Variants in IFFO2 observed in about 807,000 individuals in gnomAD.
The protein encoded by IFFO2 is intermediate filament family orphan 2.
Under a neutral mutation model 53.5 loss-of-function variants are expected in IFFO2, and 19 were observed. That is an observed-to-expected ratio of 0.36 (90% CI 0.25 to 0.52). IFFO2 has a LOEUF of 0.52. Ranked by LOEUF, IFFO2 falls within the 20% of genes least tolerant of loss-of-function variation. IFFO2 has a pLI of 0.94. For missense variants in IFFO2, 570 were observed against 727.4 expected (o/e 0.78, Z 2.49); for synonymous variants, 303 against 313.6 (o/e 0.97, Z 0.36).
chr1:18,912,042 G>C lies in IFFO2; in HGVS notation c.1145C>G (p.Thr382Arg). 1 of 1,551,720 alleles carries C rather than the reference G, an allele frequency of 6.4e-7. No individual in the cohort carries two copies. Among genetic ancestry groups the C allele is most frequent in the Non-Finnish European group, 8.7e-7 (1 of 1,146,968 alleles). Reference protein sequence around the residue: ...FDFDDDCDSLTWEENEDTLLL... With the variant: ...FDFDDDCDSLRWEENEDTLLL... ...CAGCGTGTCTTCATTCTCTTCCCAC[G>C]TCAGGCTGTCACAGTCGTCGTCAAA... The change falls in exon 6 of 9, where the codon ACG becomes AGG. Residue 382 changes from threonine to arginine, a missense_variant. Physicochemically the swap from Thr to Arg is moderately conservative, Grantham distance 71 (BLOSUM62 -1). Coordinates refer to ENST00000455833, the MANE Select transcript of IFFO2 (RefSeq NM_001136265.2).
At position 18,918,591 on chromosome 1, in the gene IFFO2, A is replaced by C. The variant is rs1486504701; in HGVS notation, c.823-89T>G. On this transcript the variant is annotated intron_variant, in intron 3 of 8. Coordinates refer to ENST00000455833, the MANE Select transcript of IFFO2 (RefSeq NM_001136265.2). This position sits in a 1 kb window ranked among gnomAD's most constrained non-coding sequence, Gnocchi z 5.2. ...AGAGGTGGGGAGACCCCTAGGTGTC[A>C]GCAGGGGTGGTGCGGGGAGGCCTCC... 11 of 1,372,524 alleles carry C rather than the reference A, an allele frequency of 8.0e-6. No individual in the cohort carries two copies. The highest frequency in any genetic ancestry group is 1.3e-5 in the South Asian group (1 of 77,512). The allele number at this position is 1,372,524 out of a possible 1,614,324, so 85.0% of individuals were successfully genotyped here. A position where few individuals can be genotyped will look rare whatever the true frequency, so the allele number is the denominator to read the frequency against.
At chr1:18,926,280 C>A (rs143080598) in intron 1 of IFFO2, among the ~76,000 whole-genome samples, 20 of 152,344 alleles carry the variant, frequency 1.3e-4, no homozygotes, top group African/African-American at 4.8e-4. Flanking sequence ...CCCAGCATAG[C>A]CCCTGCACTC....
At chr1:18,914,040 C>T (rs1309324896) in intron 5 of IFFO2, among the ~76,000 whole-genome samples, 2 of 152,156 alleles carry the variant, frequency 1.3e-5, no homozygotes, top group East Asian at 1.9e-4. Flanking sequence ...ACCGTGTTAG[C>T]CAGGATGGTC....
intron 1 of IFFO2, among the ~76,000 whole-genome samples, chr1:18,953,440 G>T (rs1379476853): frequency 5.3e-5 from 8 of 152,142 alleles, no homozygotes. Context: ...TTAAAGGTGG[G>T]TGAGCACATT....
At chr1:18,943,855 G>A (rs1395252714) in intron 1 of IFFO2, among the ~76,000 whole-genome samples, 2 of 152,234 alleles carry the variant, frequency 1.3e-5, no homozygotes, top group East Asian at 3.8e-4. Context: ...CAGGGACCCA[G>A]ATGTCTGGTC....
intron 1 of IFFO2, among the ~76,000 whole-genome samples, chr1:18,955,376 G>A (rs182991802): frequency 6.6e-6 from 1 of 152,308 alleles, no homozygotes; most frequent in Admixed American, 6.5e-5. Context: ...GTATTGTGCT[G>A]AGAATTAAAT....
chr1:18,918,248 A>C lies in IFFO2; in HGVS notation c.963+114T>G. 6 of 960,426 alleles carry C rather than the reference A, an allele frequency of 6.2e-6. No individual in the cohort carries two copies. The highest frequency in any genetic ancestry group is 1.6e-5 in the African/African-American group (1 of 60,954). The allele number at this position is 960,426 out of a possible 1,614,324, so 59.5% of individuals were successfully genotyped here. A position where few individuals can be genotyped will look rare whatever the true frequency, so the allele number is the denominator to read the frequency against. ...GTCAGGTAGTGCTACCTCTCGGGGAAGGGGAGGGAGTGAGTGGGATGTGGA... is the reference window on the plus strand; with the variant it reads ...GTCAGGTAGTGCTACCTCTCGGGGACGGGGAGGGAGTGAGTGGGATGTGGA... On this transcript the variant is annotated intron_variant, in intron 4 of 8. Transcript: ENST00000455833. This position sits in a 1 kb window ranked among gnomAD's most constrained non-coding sequence, Gnocchi z 5.2.
rs1569824833 is a variant in IFFO2, at chr1:18,907,844, G to GT, written c.*716dup. ...GCAAGCTGCTTTTGTTGTTTGTTTT[G>GT]TTTTTTGCATAGTAGTTTAAACACA... On this transcript the variant is annotated 3_prime_UTR_variant, in exon 9 of 9. Transcript: ENST00000455833. 6.6e-6 allele frequency: 1 copy of GT among 152,388 alleles called. No individual in the cohort carries two copies. Among genetic ancestry groups the GT allele is most frequent in the Non-Finnish European group, 1.5e-5 (1 of 68,106 alleles). 9.4% of individuals were successfully genotyped at this position (152,388 alleles called of 1,614,324 possible).
chr1:18,911,302 C>A, intron 7 of IFFO2, 82 bp downstream of exon 7: 1 of 677,840 alleles, frequency 1.5e-6, no homozygotes, highest in Middle Eastern at 2.7e-4. Context: ...GCCCATGACA[C>A]ATGGGTGTTT....
intron 7 of IFFO2, among the ~76,000 whole-genome samples, chr1:18,911,030 G>A (rs1452830451): frequency 6.6e-6 from 1 of 152,246 alleles, no homozygotes; most frequent in Non-Finnish European, 1.5e-5. Flanking sequence ...TGTAAAAGGG[G>A]TGCACGGTGC....
In IFFO2 at chr1:18,916,899, T is replaced by C. The variant is rs1167502538; in HGVS notation, c.1103+4A>G. 6.4e-6 allele frequency: 10 copies of C among 1,551,612 alleles called. No homozygotes were observed. The highest frequency in any genetic ancestry group is 3.9e-5 in the Admixed American group (2 of 50,964). On this transcript the variant is annotated splice_donor_region_variant and intron_variant, in intron 5 of 8. Transcript: ENST00000455833. This position sits in a 1 kb window ranked among gnomAD's most constrained non-coding sequence, Gnocchi z 4.3. ...GAGAGTGTGCGGGCCACGGGGATAC[T>C]CACAGCTGGTTAAACATGCGCTTCA...
rs1275075245 is a variant in IFFO2, at chr1:18,917,791, G to A, written c.963+571C>T. Reference sequence around the variant, plus strand: ...CTCTCTGGAAGACAGCCTCACTGGCGCTAACCTGATCGCCGTCTCTCGGGG... The same window carrying A: ...CTCTCTGGAAGACAGCCTCACTGGCACTAACCTGATCGCCGTCTCTCGGGG... On this transcript the variant is annotated intron_variant, in intron 4 of 8. Transcript: ENST00000455833. This position sits in a 1 kb window ranked among gnomAD's most constrained non-coding sequence, Gnocchi z 5.9. Among the ~76,000 whole-genome samples, 3 of 152,218 alleles carry A rather than the reference G, an allele frequency of 2.0e-5. No homozygotes were observed. The highest frequency in any genetic ancestry group is 4.2e-4 in the South Asian group (2 of 4,816).
At chr1:18,914,635 G>C (rs527799652) in intron 5 of IFFO2, among the ~76,000 whole-genome samples, 1 of 151,700 alleles carries the variant, frequency 6.6e-6, no homozygotes, top group South Asian at 2.1e-4. Context: ...TGGGCAACAC[G>C]GTAAAACCCA....
chr1:18,934,868 T>C (rs1324039573), intron 1 of IFFO2, among the ~76,000 whole-genome samples: 1 of 152,226 alleles, frequency 6.6e-6, no homozygotes, highest in Non-Finnish European at 1.5e-5. Context: ...GGTCCTCCAC[T>C]GTCAGCGCAG....
intron 1 of IFFO2, among the ~76,000 whole-genome samples, chr1:18,929,995 C>T (rs909981704): frequency 1.3e-5 from 2 of 152,306 alleles, no homozygotes; most frequent in Admixed American, 6.5e-5. Flanking sequence ...CCAGCTGAGA[C>T]GTCTGTCCTT....
intron 1 of IFFO2, among the ~76,000 whole-genome samples, chr1:18,933,749 C>A (rs1428692587): frequency 1.3e-5 from 2 of 152,074 alleles, no homozygotes; most frequent in East Asian, 3.9e-4. Context: ...CAGAGCAAGA[C>A]CCTGTCTCAA....
intron 1 of IFFO2, among the ~76,000 whole-genome samples, chr1:18,935,596 C>T (rs889255466): frequency 6.6e-6 from 1 of 152,148 alleles, no homozygotes; most frequent in African/African-American, 2.4e-5. Context: ...TCAAGTGCCA[C>T]TATTCTGTAC....
chr1:18,924,450 G>A (rs1444223174), intron 1 of IFFO2, among the ~76,000 whole-genome samples: 1 of 152,178 alleles, frequency 6.6e-6, no homozygotes, highest in Non-Finnish European at 1.5e-5. Context: ...AAACAAAGAG[G>A]GCAGCAGGAA....
chr1:18,919,778 G>C lies in IFFO2; in HGVS notation c.727-5C>G, dbSNP rs1024247597. On this transcript the variant is annotated splice_polypyrimidine_tract_variant and splice_region_variant and intron_variant, in intron 2 of 8. Transcript: ENST00000455833. The surrounding 1 kb of genome is among the most constrained non-coding windows in gnomAD (Gnocchi z 4.9). Reference sequence around the variant, plus strand: ...GGCATCAGCCTCCTGTGCTGCCTGCGGGGACGGAGATGGGGAGGCTTCAGA... The same window carrying C: ...GGCATCAGCCTCCTGTGCTGCCTGCCGGGACGGAGATGGGGAGGCTTCAGA... 6 of 1,548,492 alleles carry C rather than the reference G, an allele frequency of 3.9e-6. No homozygotes were observed. The Middle Eastern group carries it at 5.0e-4, about 129-fold the overall frequency.
Sources: gnomAD v4.1 joint callset for allele counts (sites outside exome capture counted in the v4.1 genomes callset) on GRCh38, gnomAD v4.1.1 for gene constraint, Gnocchi (gnomAD v3.1) non-coding constraint, MANE v1.5 for transcripts, NCBI Gene and HGNC (gene_info 2026-07-23, HGNC 2026-07-21) for gene names.